Variants in RGS20 observed in about 807,000 individuals in gnomAD.
RGS20 encodes the protein regulator of G protein signaling 20.
RGS20 carries 30 observed loss-of-function variants against 33.6 expected under a neutral mutation model. The observed-to-expected ratio is 0.89, with a 90% CI of 0.67 to 1.21. The LOEUF (loss-of-function observed/expected upper bound fraction) is 1.21. Ranked by LOEUF, RGS20 falls within the 50% of genes most tolerant of loss-of-function variation. RGS20 has a pLI of 0.00. For synonymous variants in RGS20, 208 were observed against 197.9 expected, an observed-to-expected ratio of 1.05 and a Z score of -0.43; for missense variants, 472 against 502.4, an observed-to-expected ratio of 0.94 and a Z score of 0.58.
intron 2 of RGS20, chr8:53,879,634 CCCAGCCTCCCCAGGACA>C: frequency 1.4e-6 from 2 of 1,409,084 alleles, no homozygotes; most frequent in Non-Finnish European, 1.9e-6. Flanking sequence ...ACGCCCCACA[CCCAGCCTCCCCAGGACA>C]CCAGCCTCTC....
chr8:53,909,987 G>A (rs1813309381), intron 2 of RGS20, among the ~76,000 whole-genome samples: 1 of 152,166 alleles, frequency 6.6e-6, no homozygotes. Context: ...AGAGAGCAGG[G>A]ACAAATGCCT....
At chr8:53,889,673 A>G (rs898300282) in intron 2 of RGS20, among the ~76,000 whole-genome samples, 8 of 149,322 alleles carry the variant, frequency 5.4e-5, no homozygotes, top group African/African-American at 2.0e-4. Flanking sequence ...GTTATTATTG[A>G]TCTGTCACAG....
Position 53,863,889 on chromosome 8 carries a change from G to A in RGS20, c.165+11825G>A, listed in dbSNP as rs542975262. Among the ~76,000 whole-genome samples the A allele has an allele frequency of 1.5e-4, 23 of 151,918 alleles. No individual in the cohort carries two copies. In the South Asian group the frequency reaches 3.7e-3, roughly 25 times the overall value. On this transcript the variant is annotated intron_variant, in intron 1 of 5. Transcript: ENST00000297313. ...CTACAGGCTCATGCCACCACACCCAGCTAATTTGTATGTATTTTTAGTAGA... is the reference window on the plus strand; with the variant it reads ...CTACAGGCTCATGCCACCACACCCAACTAATTTGTATGTATTTTTAGTAGA...
intron 3 of RGS20, among the ~76,000 whole-genome samples, chr8:53,945,731 CATGGTGAAACCAA>C (rs998364989): frequency 2.9e-4 from 44 of 152,208 alleles, no homozygotes; most frequent in African/African-American, 1.1e-3. Context: ...GCCTGGCCAA[CATGGTGAAACCAA>C]ATACAAAAAG....
At chr8:53,921,522 A>C (rs2129286494) in intron 2 of RGS20, among the ~76,000 whole-genome samples, 1 of 151,422 alleles carries the variant, frequency 6.6e-6, no homozygotes, top group Middle Eastern at 3.4e-3. Flanking sequence ...TAACTAACCA[A>C]TCTCTTTACT....
chr8:53,863,057 C>T (rs1288946816), intron 1 of RGS20, among the ~76,000 whole-genome samples: 1 of 152,150 alleles, frequency 6.6e-6, no homozygotes, highest in African/African-American at 2.4e-5. Flanking sequence ...GGCACGATCT[C>T]GGCTCACCGC....
intron 1 of RGS20, among the ~76,000 whole-genome samples, chr8:53,862,629 C>T (rs1206249140): frequency 6.6e-6 from 1 of 152,170 alleles, no homozygotes; most frequent in African/African-American, 2.4e-5. Flanking sequence ...GAGATCCAGT[C>T]TCCACAAGAA....
At chr8:53,907,377 G>A (rs1813211413) in intron 2 of RGS20, among the ~76,000 whole-genome samples, 1 of 152,068 alleles carries the variant, frequency 6.6e-6, no homozygotes, top group Non-Finnish European at 1.5e-5. Context: ...ACGAGATCAG[G>A]AGTTCAAGAC....
intron 2 of RGS20, among the ~76,000 whole-genome samples, chr8:53,893,805 C>T (rs1812780754): frequency 6.6e-6 from 1 of 152,024 alleles, no homozygotes; most frequent in South Asian, 2.1e-4. Flanking sequence ...AACCAGACCA[C>T]ATAGAATAAA....
At chr8:53,957,113 G>T (rs959787861) in intron 5 of RGS20, among the ~76,000 whole-genome samples, 1 of 151,772 alleles carries the variant, frequency 6.6e-6, no homozygotes, top group Non-Finnish European at 1.5e-5. Context: ...GCTATACAGT[G>T]ACAGGGATGG....
intron 2 of RGS20, among the ~76,000 whole-genome samples, chr8:53,888,694 T>G (rs1482588010): frequency 1.3e-5 from 2 of 152,214 alleles, no homozygotes; most frequent in African/African-American, 4.8e-5. Flanking sequence ...CAGCCCCCCG[T>G]GCTCTCCCAA....
intron 2 of RGS20, among the ~76,000 whole-genome samples, chr8:53,930,699 C>T (rs1275364334): frequency 6.6e-6 from 1 of 152,132 alleles, no homozygotes; most frequent in African/African-American, 2.4e-5. Context: ...GTGTGTGCCA[C>T]CACACTCAGC....
In RGS20 at chr8:53,939,713, T is replaced by C. The variant is rs938040304; in HGVS notation, c.648T>C (p.Cys216=). 1.3e-6 allele frequency: 2 copies of C among 1,556,816 alleles called. No homozygotes were observed. Among genetic ancestry groups the C allele is most frequent in the Middle Eastern group, 1.7e-4 (1 of 6,014 alleles). ...GCTGCTTCTGCTGGTGCTGCTGTTG[T>C]AGCTGCTCGTGGTAAGGTTTGGGGC... Residue 216 remains cysteine, a synonymous_variant, in exon 3 of 6, where the codon TGT becomes TGC. Transcript: ENST00000297313.
chr8:53,890,005 T>A (rs898457176), intron 2 of RGS20, among the ~76,000 whole-genome samples: 5 of 152,300 alleles, frequency 3.3e-5, no homozygotes, highest in Middle Eastern at 3.4e-3. Flanking sequence ...ACGTCTTTCA[T>A]CAACTTTGGA....
intron 1 of RGS20, among the ~76,000 whole-genome samples, chr8:53,856,818 T>A (rs1393939945): frequency 1.3e-5 from 2 of 152,174 alleles, no homozygotes; most frequent in Admixed American, 6.5e-5. Context: ...GGCTTCTGAG[T>A]GCTCTGCTGT....
chr8:53,943,171 A>T (rs1190567433), intron 3 of RGS20, among the ~76,000 whole-genome samples: 1 of 152,180 alleles, frequency 6.6e-6, no homozygotes, highest in East Asian at 1.9e-4. Flanking sequence ...GGGTAAAGAG[A>T]GGAAGAAATG....
intron 2 of RGS20, among the ~76,000 whole-genome samples, chr8:53,891,929 G>T (rs1240044947): frequency 6.6e-6 from 1 of 151,570 alleles, no homozygotes; most frequent in Non-Finnish European, 1.5e-5. Context: ...TAGGGTACAT[G>T]TGCACAATGT....
intron 1 of RGS20, among the ~76,000 whole-genome samples, chr8:53,859,441 G>C (rs1480255908): frequency 6.6e-6 from 1 of 152,018 alleles, no homozygotes; most frequent in Non-Finnish European, 1.5e-5. Flanking sequence ...GGTTTTAATG[G>C]TTACAGAAAA....
chr8:53,948,276 T>C (rs914308910), intron 4 of RGS20, among the ~76,000 whole-genome samples: 1 of 139,874 alleles, frequency 7.1e-6, no homozygotes, highest in Non-Finnish European at 1.5e-5. Flanking sequence ...TAAGTTATAG[T>C]ATATATATTT....
Sources: gnomAD v4.1 joint callset for allele counts (sites outside exome capture counted in the v4.1 genomes callset) on GRCh38, gnomAD v4.1.1 for gene constraint, MANE v1.5 for transcripts, NCBI Gene and HGNC (gene_info 2026-07-23, HGNC 2026-07-21) for gene names.